The following PRKG1 variants were observed in gnomAD, a reference collection of about 807,000 sequenced individuals.
PRKG1 encodes cGMP-dependent protein kinase 1.
In PRKG1, 35 loss-of-function variants were observed where a neutral mutation model predicts 88.1. The ratio of observed to expected loss-of-function variants is 0.40; its 90% CI spans 0.30 to 0.53. The LOEUF (loss-of-function observed/expected upper bound fraction) is 0.53. Ranked by LOEUF, PRKG1 falls within the 20% of genes least tolerant of loss-of-function variation. The pLI is 0.59. For synonymous variants in PRKG1, 303 were observed against 292.5 expected (o/e 1.04, Z -0.37); for missense variants, 540 against 839.8 (o/e 0.64, Z 4.41).
chr10:51,339,064 C>T (rs1006320305), intron 2 of PRKG1, among the ~76,000 whole-genome samples: 1 of 152,096 alleles, frequency 6.6e-6, no homozygotes, highest in Non-Finnish European at 1.5e-5. Context: ...GAAGGGAATT[C>T]CCATAAGTAG....
intron 2 of PRKG1, among the ~76,000 whole-genome samples, chr10:51,256,621 T>G (rs1262669610): frequency 6.6e-6 from 1 of 152,076 alleles, no homozygotes; most frequent in African/African-American, 2.4e-5. Flanking sequence ...AAGGAAAACT[T>G]GGACTGGGAA....
At chr10:51,418,041 A>G (rs547763273) in intron 2 of PRKG1, among the ~76,000 whole-genome samples, 4 of 152,298 alleles carry the variant, frequency 2.6e-5, no homozygotes, top group Admixed American at 6.5e-5. Flanking sequence ...CGCAGTTTCT[A>G]TTAGTAAATG....
At chr10:52,040,445 G>A (rs1185980474) in intron 5 of PRKG1, among the ~76,000 whole-genome samples, 20 of 152,166 alleles carry the variant, frequency 1.3e-4, no homozygotes, top group Admixed American at 1.3e-3. Flanking sequence ...AGTTTAATTA[G>A]GTGGAGTAGA....
At chr10:52,048,742 T>G (rs1016223771) in intron 5 of PRKG1, among the ~76,000 whole-genome samples, 1 of 152,158 alleles carries the variant, frequency 6.6e-6, no homozygotes, top group Admixed American at 6.6e-5. Flanking sequence ...AAATAAAAGT[T>G]CAAGTTATTG....
intron 4 of PRKG1, among the ~76,000 whole-genome samples, chr10:51,904,649 T>C (rs1470657061): frequency 6.6e-6 from 1 of 152,136 alleles, no homozygotes; most frequent in Admixed American, 6.6e-5. Flanking sequence ...ATGGTTTTCT[T>C]TTTGTGAAGT....
intron 2 of PRKG1, among the ~76,000 whole-genome samples, chr10:51,461,075 A>G (rs538995762): frequency 6.6e-6 from 1 of 152,266 alleles, no homozygotes; most frequent in South Asian, 2.1e-4. Flanking sequence ...GAATAACTAT[A>G]ATGGTTTTAG....
chr10:51,735,162 C>T (rs59445399), intron 3 of PRKG1, among the ~76,000 whole-genome samples: 2,820 of 152,260 alleles, frequency 0.019, 83 homozygotes, highest in African/African-American at 0.065. Flanking sequence ...AAATTGCTCA[C>T]TTCCAGACAG....
At chr10:51,230,884 A>C (rs1838826972) in intron 2 of PRKG1, among the ~76,000 whole-genome samples, 1 of 152,058 alleles carries the variant, frequency 6.6e-6, no homozygotes, top group Non-Finnish European at 1.5e-5. Context: ...AGAACCCATG[A>C]ATGTGGAGGG....
intron 2 of PRKG1, among the ~76,000 whole-genome samples, chr10:51,238,979 T>G (rs967497078): frequency 6.6e-6 from 1 of 152,000 alleles, no homozygotes; most frequent in Non-Finnish European, 1.5e-5. Flanking sequence ...AACAGGAATA[T>G]AGTAAGCTTA....
chr10:51,672,214 T>C (rs1156361731), intron 3 of PRKG1, among the ~76,000 whole-genome samples: 2 of 152,110 alleles, frequency 1.3e-5, no homozygotes, highest in African/African-American at 4.8e-5. Context: ...TGCTCTCTTC[T>C]TGGAACACCA....
At chr10:51,045,915 A>G (rs1473246923) in intron 1 of PRKG1, among the ~76,000 whole-genome samples, 2 of 152,208 alleles carry the variant, frequency 1.3e-5, no homozygotes, top group Non-Finnish European at 2.9e-5. Context: ...TTTTCTTCAC[A>G]TTTAAGGCTA....
chr10:51,435,822 C>T (rs77623065), intron 2 of PRKG1, among the ~76,000 whole-genome samples: 2,154 of 151,972 alleles, frequency 0.014, 12 homozygotes, highest in Non-Finnish European at 0.018. Context: ...TGCCAAGTGC[C>T]AAAGGATCAT....
intron 3 of PRKG1, among the ~76,000 whole-genome samples, chr10:51,749,330 G>C (rs1026732197): frequency 3.9e-5 from 6 of 152,156 alleles, no homozygotes; most frequent in African/African-American, 1.4e-4. Context: ...CAGTTCTGAA[G>C]CTGGAAGTCT....
At chr10:51,146,413 T>C (rs547234290) in intron 1 of PRKG1, among the ~76,000 whole-genome samples, 1 of 140,474 alleles carries the variant, frequency 7.1e-6, no homozygotes, top group Non-Finnish European at 1.5e-5. Context: ...CACATGCCCA[T>C]GTTTTAATCA....
intron 3 of PRKG1, among the ~76,000 whole-genome samples, chr10:51,563,052 T>C (rs989029437): frequency 6.6e-6 from 1 of 152,170 alleles, no homozygotes; most frequent in South Asian, 2.1e-4. Flanking sequence ...AGTATGAGGA[T>C]TATAGGTATG....
intron 3 of PRKG1, among the ~76,000 whole-genome samples, chr10:51,621,091 CAT>C (rs999927511): frequency 3.1e-4 from 45 of 146,834 alleles, no homozygotes; most frequent in African/African-American, 1.1e-3. Flanking sequence ...CATAAACTGA[CAT>C]ATATGTGTGT....
At chr10:51,062,313 G>A (rs1843701500) in intron 1 of PRKG1, among the ~76,000 whole-genome samples, 1 of 152,086 alleles carries the variant, frequency 6.6e-6, no homozygotes, top group Non-Finnish European at 1.5e-5. Flanking sequence ...TAGCCTCTCA[G>A]CTTCTAATTT....
Position 50,991,725 on chromosome 10 carries a change from G to A in PRKG1, c.266+81G>A. ...GGGGGCTCTGGCCGCGGCGGCGGGG[G>A]CGGGTCGGCCCAGGGCGCCCCCTGC... On this transcript the variant is annotated intron_variant, in intron 1 of 17. Coordinates refer to the PRKG1 transcript ENST00000401604. This position sits in a 1 kb window ranked among gnomAD's most constrained non-coding sequence, Gnocchi z 4.5. 2 of 1,080,708 alleles carry A rather than the reference G, an allele frequency of 1.9e-6. No homozygotes were observed. The highest frequency in any genetic ancestry group is 2.3e-6 in the Non-Finnish European group (2 of 883,814). The allele number at this position is 1,080,708 out of a possible 1,614,324, so 66.9% of individuals were successfully genotyped here.
At chr10:51,330,132 TA>T (rs201852882) in intron 2 of PRKG1, among the ~76,000 whole-genome samples, 5,559 of 143,604 alleles carry the variant, frequency 0.039, 145 homozygotes, top group South Asian at 0.075. Context: ...TTTATTTATT[TA>T]TTTATTTATT....
Sources: gnomAD v4.1 joint callset for allele counts (sites outside exome capture counted in the v4.1 genomes callset) on GRCh38, gnomAD v4.1.1 for gene constraint, Gnocchi (gnomAD v3.1) non-coding constraint, MANE v1.5 for transcripts, NCBI Gene and HGNC (gene_info 2026-07-23, HGNC 2026-07-21) for gene names.